Variants in OPCML observed in about 807,000 individuals in gnomAD.
OPCML encodes the protein opioid-binding protein/cell adhesion molecule.
In OPCML, 13 loss-of-function variants were observed where a neutral mutation model predicts 37.8. The observed-to-expected ratio is 0.34, with a 90% confidence interval of 0.22 to 0.55. The LOEUF is 0.55. Ranked by LOEUF, OPCML falls within the 20% of genes least tolerant of loss-of-function variation. OPCML has a pLI of 0.91. For synonymous variants in OPCML, 176 were observed against 168.8 expected (o/e 1.04, Z -0.33); for missense variants, 341 against 435.6 (o/e 0.78, Z 1.93).
intron 1 of OPCML, among the ~76,000 whole-genome samples, chr11:133,374,633 G>T (rs1432886698): frequency 6.6e-6 from 1 of 152,042 alleles, no homozygotes; most frequent in Non-Finnish European, 1.5e-5. Flanking sequence ...TCCTAATATC[G>T]TCCTACCCTG....
At chr11:132,599,300 T>C (rs1191207664) in intron 3 of OPCML, among the ~76,000 whole-genome samples, 2 of 126,888 alleles carry the variant, frequency 1.6e-5, no homozygotes, top group Non-Finnish European at 3.3e-5. Flanking sequence ...ATAAAAACTA[T>C]GAAAAAGAAG....
At chr11:132,579,443 G>A (rs2096457897) in intron 3 of OPCML, among the ~76,000 whole-genome samples, 1 of 151,728 alleles carries the variant, frequency 6.6e-6, no homozygotes, top group East Asian at 1.9e-4. Flanking sequence ...GATAATGAGA[G>A]TAGTTGCACA....
intron 2 of OPCML, among the ~76,000 whole-genome samples, chr11:132,693,962 G>A (rs1001381971): frequency 3.3e-5 from 5 of 151,960 alleles, no homozygotes; most frequent in South Asian, 4.1e-4. Flanking sequence ...AAAGAAACAC[G>A]TGACCTATTT....
At chr11:132,707,336 A>C (rs903613115) in intron 2 of OPCML, among the ~76,000 whole-genome samples, 1 of 152,220 alleles carries the variant, frequency 6.6e-6, no homozygotes, top group Admixed American at 6.5e-5. Flanking sequence ...AGCAGACCAC[A>C]GGAGATCCAG....
At chr11:132,987,735 G>A (rs76686526) in intron 1 of OPCML, among the ~76,000 whole-genome samples, 8,801 of 152,066 alleles carry the variant, frequency 0.058, 562 homozygotes, top group East Asian at 0.23. Flanking sequence ...GAAGCATAGC[G>A]TCTTCCCTAT....
chr11:132,571,530 C>G (rs532487138), intron 3 of OPCML, among the ~76,000 whole-genome samples: 1 of 152,114 alleles, frequency 6.6e-6, no homozygotes, highest in Non-Finnish European at 1.5e-5. Context: ...CAGTATTTGT[C>G]TTTCTGTGTC....
chr11:132,530,770 C>T (rs2096322855), intron 3 of OPCML, among the ~76,000 whole-genome samples: 1 of 152,134 alleles, frequency 6.6e-6, no homozygotes, highest in Non-Finnish European at 1.5e-5. Context: ...CATCTCAGGC[C>T]CTGTTTCCTC....
At chr11:132,950,406 T>C (rs1407819639) in intron 1 of OPCML, among the ~76,000 whole-genome samples, 1 of 152,188 alleles carries the variant, frequency 6.6e-6, no homozygotes, top group Non-Finnish European at 1.5e-5. Flanking sequence ...TTTGGGTAAC[T>C]AGCTGCATTT....
In OPCML at chr11:132,575,906, C is replaced by G. The variant is rs187487475; in HGVS notation, c.380-46720G>C. On this transcript the variant is annotated intron_variant, in intron 3 of 7. Transcript: ENST00000524381. The stretch of plus-strand genomic sequence containing the variant: ...CTATTTTTTTAGATAACAGTTTTGC[C>G]AGGCATAGTAATCTTGATTGGTAGT... Among the ~76,000 whole-genome samples the G allele has an allele frequency of 1.9e-3, 282 of 152,072 alleles. 3 individuals carry two copies. Among genetic ancestry groups the G allele is most frequent in the Admixed American group, 0.014 (211 of 15,258 alleles).
intron 1 of OPCML, among the ~76,000 whole-genome samples, chr11:133,054,684 C>G (rs1483324734): frequency 6.6e-6 from 1 of 152,250 alleles, no homozygotes; most frequent in Non-Finnish European, 1.5e-5. Flanking sequence ...AGTCTGCTCT[C>G]TCCTCATAAA....
intron 2 of OPCML, chr11:132,772,913 C>T (rs961424966): frequency 6.6e-6 from 1 of 152,156 alleles, no homozygotes; most frequent in African/African-American, 2.4e-5. Context: ...CTCTGGTCGC[C>T]GAATACCTGT....
chr11:132,898,095 A>G (rs1456073309), intron 2 of OPCML, among the ~76,000 whole-genome samples: 1 of 152,124 alleles, frequency 6.6e-6, no homozygotes, highest in Non-Finnish European at 1.5e-5. Context: ...GTTCAGCAGC[A>G]TGGCTTCTAC....
chr11:132,829,834 C>T (rs1393214190), intron 2 of OPCML, among the ~76,000 whole-genome samples: 15 of 152,160 alleles, frequency 9.9e-5, no homozygotes, highest in Admixed American at 9.8e-4. Flanking sequence ...ATGTGTTTCT[C>T]ATAAATGGTT....
chr11:132,456,641 T>G (rs998373061), intron 4 of OPCML, among the ~76,000 whole-genome samples: 1 of 152,186 alleles, frequency 6.6e-6, no homozygotes, highest in African/African-American at 2.4e-5. Context: ...CCAACTCTCT[T>G]CCATGAAGAA....
At chr11:133,090,354 A>T (rs1565442047) in intron 1 of OPCML, among the ~76,000 whole-genome samples, 1 of 152,078 alleles carries the variant, frequency 6.6e-6, no homozygotes, top group South Asian at 2.1e-4. Flanking sequence ...CTAGGAAAAA[A>T]CCCTAGATGG....
chr11:132,623,444 C>T (rs547655215), intron 3 of OPCML, among the ~76,000 whole-genome samples: 1 of 152,174 alleles, frequency 6.6e-6, no homozygotes, highest in Non-Finnish European at 1.5e-5. Context: ...AGTTGTTGTC[C>T]TATTATATCT....
intron 3 of OPCML, among the ~76,000 whole-genome samples, chr11:132,597,186 A>G (rs1396393514): frequency 1.1e-4 from 16 of 152,234 alleles, no homozygotes. Context: ...CTATTCTTCT[A>G]GGAACTTTCT....
At chr11:133,470,050 T>C (rs1947069454) in intron 1 of OPCML, among the ~76,000 whole-genome samples, 1 of 152,162 alleles carries the variant, frequency 6.6e-6, no homozygotes, top group Non-Finnish European at 1.5e-5. Context: ...AATAAGCCGC[T>C]TAAAGTTGAG....
At chr11:133,487,802 T>TGC (rs61699052) in intron 1 of OPCML, among the ~76,000 whole-genome samples, 15 of 149,962 alleles carry the variant, frequency 1.0e-4, no homozygotes, top group African/African-American at 1.0e-4. Flanking sequence ...TGTGTGTGTG[T>TGC]GCGTGTGTGT....
Sources: gnomAD v4.1 joint callset for allele counts (sites outside exome capture counted in the v4.1 genomes callset) on GRCh38, gnomAD v4.1.1 for gene constraint, MANE v1.5 for transcripts, NCBI Gene and HGNC (gene_info 2026-07-23, HGNC 2026-07-21) for gene names.